The following TRPC5 variants were observed in gnomAD, a reference collection of about 807,000 sequenced individuals.
The protein encoded by TRPC5 is short transient receptor potential channel 5.
A neutral mutation model predicts 56.5 loss-of-function variants in TRPC5; 9 were observed. The ratio of observed to expected loss-of-function variants is 0.16; its 90% CI spans 0.10 to 0.28. TRPC5 has a LOEUF of 0.28. Ranked by LOEUF, TRPC5 falls within the 10% of genes least tolerant of loss-of-function variation. TRPC5 has a pLI of 1.00. For missense variants in TRPC5, 469 were observed against 748.9 expected (o/e 0.63, Z 4.36); for synonymous variants, 282 against 278.5 (o/e 1.01, Z -0.13).
chrX:111,825,221 TCTTTCTTTCTCTCTC>T (rs1922190096), intron 7 of TRPC5, among the ~76,000 whole-genome samples: 1 of 75,449 alleles, frequency 1.3e-5, no homozygotes, highest in Non-Finnish European at 2.5e-5. Context: ...CTTTCTTTCT[TCTTTCTTTCTCTCTC>T]TCTCTCTCTC....
chrX:112,070,543 C>T (rs961781772), intron 1 of TRPC5, among the ~76,000 whole-genome samples: 5 of 111,210 alleles, frequency 4.5e-5, no homozygotes, highest in Admixed American at 1.9e-4. Context: ...CCCCACCCCA[C>T]GTAAAATCTT....
At chrX:111,820,884 T>C (rs1025528776) in intron 7 of TRPC5, among the ~76,000 whole-genome samples, 2 of 112,185 alleles carry the variant, frequency 1.8e-5, no homozygotes, top group African/African-American at 6.5e-5. Context: ...GCATAAAATA[T>C]CTCTGAGTTG....
chrX:112,020,952 T>C (rs1314379131), intron 1 of TRPC5, among the ~76,000 whole-genome samples: 1 of 108,089 alleles, frequency 9.3e-6, no homozygotes, highest in Non-Finnish European at 1.9e-5. Flanking sequence ...TTTATCTAGT[T>C]GCCTGATGCT....
intron 7 of TRPC5, among the ~76,000 whole-genome samples, chrX:111,822,601 G>C (rs1350170573): frequency 8.9e-6 from 1 of 111,798 alleles, no homozygotes; most frequent in African/African-American, 3.3e-5. Flanking sequence ...ATGAGAACAA[G>C]GACCCAGTCT....
At chrX:112,068,024 A>C (rs1930628540) in intron 1 of TRPC5, among the ~76,000 whole-genome samples, 1 of 112,588 alleles carries the variant, frequency 8.9e-6, no homozygotes, top group South Asian at 3.7e-4. Context: ...AAACTGAGGC[A>C]TAGACAGGTT....
intron 3 of TRPC5, among the ~76,000 whole-genome samples, chrX:111,864,217 T>C (rs191729050): frequency 0.014 from 1,508 of 111,362 alleles, 23 homozygotes; most frequent in African/African-American, 0.047. Flanking sequence ...CTCGATCTCC[T>C]GACCTCCTGA....
chrX:111,907,624 CAAAAAT>C (rs1165270086), intron 3 of TRPC5, among the ~76,000 whole-genome samples: 2 of 107,282 alleles, frequency 1.9e-5, no homozygotes, highest in Non-Finnish European at 3.8e-5. Context: ...AACTCTGTCT[CAAAAAT>C]AAAAATAAAA....
intron 2 of TRPC5, among the ~76,000 whole-genome samples, chrX:111,933,121 A>G (rs1389712273): frequency 8.9e-6 from 1 of 112,311 alleles, no homozygotes; most frequent in Non-Finnish European, 1.9e-5. Context: ...GATGTAGCAT[A>G]CATTTCCTTG....
chrX:112,011,582 T>A (rs902960723), intron 1 of TRPC5, among the ~76,000 whole-genome samples: 5 of 111,429 alleles, frequency 4.5e-5, no homozygotes, highest in Non-Finnish European at 9.4e-5. Flanking sequence ...GGCTCCCCAG[T>A]GGGGGGCTTT....
Position 111,852,388 on chromosome X carries a change from T to C in TRPC5, c.1287A>G (p.Glu429=), listed in dbSNP as rs752139900. 3 of 1,209,200 alleles carry C rather than the reference T, an allele frequency of 2.5e-6. No individual in the cohort carries two copies. Among genetic ancestry groups the C allele is most frequent in the Non-Finnish European group, 3.4e-6 (3 of 893,795 alleles). ...IKEMWDGGFT[E]YIHDWWNLMD... ...TCAGGTTCCACCAGTCATGGATGTA[T>C]TCAGTAAATCCACCATCCCACATTT... Residue 429 remains glutamate, a synonymous_variant, in exon 5 of 11, where the codon GAA becomes GAG. Coordinates refer to ENST00000262839, the MANE Select transcript of TRPC5 (RefSeq NM_012471.3).
At chrX:112,074,943 C>G (rs1025420511) in intron 1 of TRPC5, among the ~76,000 whole-genome samples, 1 of 112,222 alleles carries the variant, frequency 8.9e-6, no homozygotes, top group African/African-American at 3.3e-5. Flanking sequence ...ATAACTGCCC[C>G]GTAACAAATG....
rs762458475 is a variant in TRPC5 at position 111,938,767 on chromosome X, T to G, written c.378+13276A>C. Among the ~76,000 whole-genome samples the G allele has an allele frequency of 1.9e-3, 216 of 112,381 alleles. 1 individual carries two copies. Among genetic ancestry groups the G allele is most frequent in the African/African-American group, 6.7e-3 (209 of 30,992 alleles). On this transcript the variant is annotated intron_variant, in intron 2 of 10. Coordinates refer to ENST00000262839, the MANE Select transcript of TRPC5 (RefSeq NM_012471.3). ...GGTTTGTCAGTATTTTACTGAGGAT[T>G]TTTGCATCAATGTTCATCAAGGATA...
intron 2 of TRPC5, among the ~76,000 whole-genome samples, chrX:111,944,788 A>T (rs1926891564): frequency 9.0e-6 from 1 of 111,717 alleles, no homozygotes; most frequent in African/African-American, 3.3e-5. Flanking sequence ...AAGCCAAGGT[A>T]TGCAGAGGAT....
chrX:112,077,661 C>T (rs1032325577), intron 1 of TRPC5, among the ~76,000 whole-genome samples: 3 of 111,618 alleles, frequency 2.7e-5, no homozygotes, highest in Non-Finnish European at 5.6e-5. Context: ...TATTCTCACT[C>T]AAATGTGGAG....
chrX:112,039,260 T>C lies in TRPC5; in HGVS notation c.-22+42619A>G, dbSNP rs1191521892. Among the ~76,000 whole-genome samples, 4 of 111,754 alleles carry C rather than the reference T, an allele frequency of 3.6e-5. No homozygotes were observed. The East Asian group carries it at 1.1e-3, about 32-fold the overall frequency. ...TTATTTCACCTTTTTCAGAGAAATA[T>C]ATAAAAGGCATAGCTGAGGGAGGGC... On this transcript the variant is annotated intron_variant, in intron 1 of 10. Transcript: ENST00000262839.
intron 3 of TRPC5, among the ~76,000 whole-genome samples, chrX:111,907,949 C>T (rs1925686063): frequency 9.0e-6 from 1 of 111,155 alleles, no homozygotes; most frequent in Non-Finnish European, 1.9e-5. Flanking sequence ...TTCTCACAGA[C>T]ACTTGAATTG....
intron 2 of TRPC5, among the ~76,000 whole-genome samples, chrX:111,943,052 T>A (rs752501969): frequency 8.9e-6 from 1 of 111,882 alleles, no homozygotes; most frequent in South Asian, 3.8e-4. Context: ...CTAGATATCA[T>A]GGACTCTTCT....
At chrX:111,921,541 G>T (rs190720195) in intron 2 of TRPC5, among the ~76,000 whole-genome samples, 2 of 110,229 alleles carry the variant, frequency 1.8e-5, no homozygotes, top group East Asian at 5.7e-4. Context: ...ATCAAATTTC[G>T]CCTTCTCTTT....
At chrX:111,862,211 G>C in intron 3 of TRPC5, among the ~76,000 whole-genome samples, 1 of 111,711 alleles carries the variant, frequency 9.0e-6, no homozygotes, top group East Asian at 2.8e-4. Context: ...ATATAATAAA[G>C]TGTTCTGGAA....
Sources: gnomAD v4.1 joint callset for allele counts (sites outside exome capture counted in the v4.1 genomes callset) on GRCh38, gnomAD v4.1.1 for gene constraint, MANE v1.5 for transcripts, NCBI Gene and HGNC (gene_info 2026-07-23, HGNC 2026-07-21) for gene names.